PHC2: variants seen among roughly 807,000 people sequenced by gnomAD.
PHC2 encodes the protein polyhomeotic-like protein 2.
In PHC2, 29 loss-of-function variants were observed where a neutral mutation model predicts 87.4. The observed-to-expected ratio is 0.33, with a 90% CI of 0.25 to 0.45. The LOEUF (loss-of-function observed/expected upper bound fraction) is 0.45, where lower values mean the gene tolerates loss of function less well. Ranked by LOEUF, PHC2 falls within the 20% of genes least tolerant of loss-of-function variation. The pLI, the probability that PHC2 is intolerant of heterozygous loss-of-function variation, is 1.00. For missense variants in PHC2, 857 were observed against 1,136.7 expected (o/e 0.75, Z 3.54); for synonymous variants, 438 against 461.7 (o/e 0.95, Z 0.66).
At chr1:33,360,699 T>C (rs1382717404) in intron 7 of PHC2, among the ~76,000 whole-genome samples, 3 of 152,244 alleles carry the variant, frequency 2.0e-5, no homozygotes, top group Admixed American at 2.0e-4. Flanking sequence ...TCAAAGAATT[T>C]TTATCATTTA....
rs1648126214 is a variant in PHC2, at chr1:33,375,479, T to A, written c.61A>T (p.Ser21Cys). 2.5e-6 allele frequency: 4 copies of A among 1,611,800 alleles called. No homozygotes were observed. Among genetic ancestry groups the A allele is most frequent in the Middle Eastern group, 1.6e-4 (1 of 6,072 alleles). Residue 21 changes from serine to cysteine, a missense_variant, in exon 2 of 15, where the codon AGC becomes TGC. Transcript: ENST00000683057. ...SSSACATSST[S>C]GASSSSGCNN... is the part of the protein sequence containing the mutation. The stretch of plus-strand genomic sequence containing the variant: ...CAGCCACTGCTGCTACTGGCCCCGC[T>A]GGTACTGCTGGTGGCACAGGCACTG...
Position 33,348,747 on chromosome 1 carries a change from G to A in PHC2, c.1558+5654C>T, listed in dbSNP as rs555584294. ...GTAAGGGAAGAAAAAGATGAAAAGA[G>A]TGTGTTCCGTACACAGCACATGAAG... On this transcript the variant is annotated intron_variant, in intron 9 of 14. Transcript: ENST00000683057. Among the ~76,000 whole-genome samples, 3 of 152,312 alleles carry A rather than the reference G, an allele frequency of 2.0e-5. No homozygotes were observed. In the South Asian group the frequency reaches 6.2e-4, roughly 32 times the overall value.
At chr1:33,376,598 T>C (rs1648198550) in intron 1 of PHC2, among the ~76,000 whole-genome samples, 1 of 152,226 alleles carries the variant, frequency 6.6e-6, no homozygotes, top group Admixed American at 6.5e-5. Flanking sequence ...TATTTGTCCA[T>C]ATTTATACAG....
intron 1 of PHC2, among the ~76,000 whole-genome samples, chr1:33,417,687 C>T (rs1214468073): frequency 6.6e-6 from 1 of 152,052 alleles, no homozygotes; most frequent in Non-Finnish European, 1.5e-5. Flanking sequence ...TAGTTGGAGA[C>T]TTCAATACTC....
intron 1 of PHC2, among the ~76,000 whole-genome samples, chr1:33,411,276 A>G (rs555578465): frequency 2.3e-4 from 35 of 152,338 alleles, no homozygotes; most frequent in Admixed American, 5.2e-4. Context: ...AGAAATCTCA[A>G]TATAATCATT....
chr1:33,408,200 A>G lies in PHC2; in HGVS notation c.-55+22776T>C, dbSNP rs1649839576. ...AAAGTTTCTGGATTAAGTGTGATGG[A>G]AAGCTGGAGAGGGAGTGAATCAGTT... On this transcript the variant is annotated intron_variant, in intron 1 of 14. Transcript: ENST00000683057. 5.3e-5 allele frequency among the ~76,000 whole-genome samples: 8 copies of G among 152,354 alleles called. No individual in the cohort carries two copies. The South Asian group carries it at 1.7e-3, about 32-fold the overall frequency.
intron 1 of PHC2, among the ~76,000 whole-genome samples, chr1:33,399,146 A>G (rs1043110974): frequency 3.9e-5 from 6 of 152,142 alleles, no homozygotes; most frequent in African/African-American, 1.4e-4. Flanking sequence ...GTCCTGCATT[A>G]TGAGTGTGAC....
intron 1 of PHC2, among the ~76,000 whole-genome samples, chr1:33,386,863 C>G (rs1259476286): frequency 6.6e-6 from 1 of 152,202 alleles, no homozygotes; most frequent in Non-Finnish European, 1.5e-5. Context: ...AGTGCACACA[C>G]AGCACACATG....
chr1:33,361,901 AGC>A (rs1647203287), intron 7 of PHC2, among the ~76,000 whole-genome samples: 1 of 152,254 alleles, frequency 6.6e-6, no homozygotes, highest in Admixed American at 6.5e-5. Context: ...AGTCATTTAC[AGC>A]CCATAGGAAA....
intron 13 of PHC2, among the ~76,000 whole-genome samples, 163 bp downstream of exon 13, chr1:33,329,908 C>T (rs1004092407): frequency 2.0e-5 from 3 of 152,166 alleles, no homozygotes; most frequent in Non-Finnish European, 4.4e-5. Flanking sequence ...AATGAAGGGA[C>T]CTACTGGGGT....
intron 1 of PHC2, among the ~76,000 whole-genome samples, chr1:33,389,883 T>C (rs1648964137): frequency 6.6e-6 from 1 of 152,196 alleles, no homozygotes; most frequent in Non-Finnish European, 1.5e-5. Context: ...ATTATCTAAA[T>C]GGATAGGTCC....
intron 9 of PHC2, among the ~76,000 whole-genome samples, chr1:33,337,462 C>T (rs527983393): frequency 3.8e-4 from 58 of 152,264 alleles, no homozygotes; most frequent in African/African-American, 1.2e-3. Context: ...GGCAGAGACA[C>T]GGGCTTAGAC....
intron 1 of PHC2, among the ~76,000 whole-genome samples, chr1:33,395,560 TAAGAA>T (rs1260410368): frequency 6.6e-6 from 1 of 152,136 alleles, no homozygotes; most frequent in Admixed American, 6.5e-5. Flanking sequence ...TGAAATGCAT[TAAGAA>T]AAGATGAACT....
Position 33,332,186 on chromosome 1 carries a change from C to T in PHC2, c.1891+89G>A. The stretch of plus-strand genomic sequence containing the variant: ...TTTACAGACTCGCTGGCTCAGGGTT[C>T]CTCTGGGGAAACAGAGAGAGGAAGT... On this transcript the variant is annotated intron_variant, in intron 11 of 14. Transcript: ENST00000683057. The surrounding 1 kb of genome is among the most constrained non-coding windows in gnomAD (Gnocchi z 4.2). 1 of 1,475,136 alleles carries T rather than the reference C, an allele frequency of 6.8e-7. No individual in the cohort carries two copies. Among genetic ancestry groups the T allele is most frequent in the Non-Finnish European group, 9.4e-7 (1 of 1,061,022 alleles). 91.4% of individuals were successfully genotyped at this position (1,475,136 alleles called of 1,614,324 possible). A position where few individuals can be genotyped will look rare whatever the true frequency, so the allele number is the denominator to read the frequency against.
chr1:33,422,113 T>C (rs1262098632), intron 1 of PHC2, among the ~76,000 whole-genome samples: 1 of 152,196 alleles, frequency 6.6e-6, no homozygotes, highest in African/African-American at 2.4e-5. Context: ...CTCAAGCAAA[T>C]ACAACCTCAC....
chr1:33,335,902 G>T lies in PHC2; in HGVS notation c.1559-1610C>A, dbSNP rs186451986. On this transcript the variant is annotated intron_variant, in intron 9 of 14. Transcript: ENST00000683057. ...GCGACAGAGCAAGACTCTATCTTGG[G>T]GGGGGAGGGGGGGAAAGAAAAGATG... Among the ~76,000 whole-genome samples the T allele has an allele frequency of 2.8e-5, 4 of 144,644 alleles. No individual in the cohort carries two copies. In the East Asian group the frequency reaches 6.5e-4, roughly 23 times the overall value. 94.9% of individuals were successfully genotyped at this position (144,644 alleles called of 152,430 possible). A position where few individuals can be genotyped will look rare whatever the true frequency, so the allele number is the denominator to read the frequency against.
chr1:33,343,704 A>C (rs1315207395), intron 9 of PHC2, among the ~76,000 whole-genome samples: 2 of 152,162 alleles, frequency 1.3e-5, no homozygotes, highest in Non-Finnish European at 1.5e-5. Flanking sequence ...AAATCATTCT[A>C]ATCTCACTCT....
intron 1 of PHC2, among the ~76,000 whole-genome samples, chr1:33,395,211 A>G (rs566963466): frequency 3.3e-5 from 5 of 152,120 alleles, no homozygotes; most frequent in African/African-American, 1.2e-4. Flanking sequence ...TACATACTAC[A>G]TGGTTCTATT....
intron 1 of PHC2, among the ~76,000 whole-genome samples, chr1:33,424,865 C>CAAAAAA (rs1650604742): frequency 1.3e-5 from 2 of 152,112 alleles, no homozygotes; most frequent in Admixed American, 1.3e-4. Flanking sequence ...AGGACCAAAA[C>CAAAAAA]AAAAAGTCTG....
Sources: allele counts gnomAD v4.1 joint callset (sites outside exome capture counted in the v4.1 genomes callset), GRCh38; gene constraint gnomAD v4.1.1; non-coding constraint Gnocchi (gnomAD v3.1); transcripts MANE v1.5; gene names NCBI Gene and HGNC (gene_info 2026-07-23, HGNC 2026-07-21).